The following ABI3BP variants were observed in gnomAD, a reference collection of about 807,000 sequenced individuals.
ABI3BP encodes ABI family member 3 binding protein.
Under a neutral mutation model 268.6 loss-of-function variants are expected in ABI3BP, and 216 were observed. The observed-to-expected ratio is 0.80, with a 90% CI of 0.72 to 0.90. ABI3BP has a LOEUF of 0.90. Among genes scored for constraint, ABI3BP ranks in the 40% least tolerant of loss-of-function variants. The pLI, the probability that ABI3BP is intolerant of heterozygous loss-of-function variation, is 0.00. For synonymous variants in ABI3BP, 730 were observed against 730.0 expected (o/e 1.00, Z 0.00); for missense variants, 2,090 against 2,182.4 (o/e 0.96, Z 0.84).
At chr3:100,846,687 TTAC>T (rs1166172642) in intron 19 of ABI3BP, 2 of 340,926 alleles carry the variant, frequency 5.9e-6, no homozygotes, top group Non-Finnish European at 1.1e-5. Flanking sequence ...AAATATAGCA[TTAC>T]TACTAAATAG....
In ABI3BP at chr3:100,840,129, G is replaced by T; in HGVS notation, c.1840C>A (p.Arg614Ser). 6.5e-7 allele frequency: 1 copy of T among 1,529,208 alleles called. No individual in the cohort carries two copies. The highest frequency in any genetic ancestry group is 8.7e-7 in the Non-Finnish European group (1 of 1,143,666). The allele number at this position is 1,529,208 out of a possible 1,614,324, so 94.7% of individuals were successfully genotyped here. Residue 614 changes from arginine to serine, a missense_variant, in exon 23 of 68, where the codon CGC (arginine) becomes AGC (serine). Transcript: ENST00000471714. ...RKTKRPGRRP[R>S]PRPRPKTTPS... ...GTGGTTTTAGGGCGGGGACGGGGGC[G>T]GGGGCGACGACCTGGTCTTTTGGTC... is the stretch of plus-strand genomic sequence containing the variant.
intron 20 of ABI3BP, among the ~76,000 whole-genome samples, chr3:100,842,526 C>A (rs569608574): frequency 3.4e-4 from 51 of 152,238 alleles, no homozygotes; most frequent in African/African-American, 9.6e-4. Context: ...GCGACCACAA[C>A]TGTTCATATG....
chr3:100,981,719 GAGT>G (rs1246591338), intron 1 of ABI3BP, among the ~76,000 whole-genome samples: 1 of 152,210 alleles, frequency 6.6e-6, no homozygotes, highest in Non-Finnish European at 1.5e-5. Context: ...GAGAGTACAG[GAGT>G]GGGATGCTCA....
chr3:100,810,300 T>C, intron 49 of ABI3BP, 112 bp downstream of exon 49: 1 of 868,590 alleles, frequency 1.2e-6, no homozygotes, highest in Non-Finnish European at 1.8e-6. Flanking sequence ...GGATTACCCA[T>C]CAAAGTCTGT....
chr3:100,909,462 C>G (rs1359771916), intron 2 of ABI3BP, among the ~76,000 whole-genome samples: 1 of 151,694 alleles, frequency 6.6e-6, no homozygotes, highest in African/African-American at 2.4e-5. Context: ...AAGAAACTAC[C>G]ATCAGAGTGA....
chr3:100,884,365 T>C (rs916806261), intron 6 of ABI3BP, among the ~76,000 whole-genome samples: 16 of 152,126 alleles, frequency 1.1e-4, no homozygotes, highest in Non-Finnish European at 1.9e-4. Context: ...AATATTTTCC[T>C]AGAAATTGTA....
At chr3:100,849,665 C>T (rs1246263670) in intron 17 of ABI3BP, among the ~76,000 whole-genome samples, 4 of 152,136 alleles carry the variant, frequency 2.6e-5, no homozygotes, top group African/African-American at 9.7e-5. Flanking sequence ...ACTGCAAAGC[C>T]TACTTGGTGC....
At chr3:100,921,196 T>A (rs2060113209) in intron 2 of ABI3BP, among the ~76,000 whole-genome samples, 1 of 152,134 alleles carries the variant, frequency 6.6e-6, no homozygotes. Flanking sequence ...TAACACCTGG[T>A]TGGAAGACAA....
chr3:100,819,884 G>T (rs934017203), intron 40 of ABI3BP, among the ~76,000 whole-genome samples: 2 of 148,812 alleles, frequency 1.3e-5, no homozygotes, highest in Admixed American at 6.8e-5. Context: ...GGAGGTGGAG[G>T]TTGCAGTGAG....
intron 2 of ABI3BP, chr3:100,912,293 A>AC (rs2056938514): frequency 6.4e-6 from 1 of 156,084 alleles, no homozygotes; most frequent in African/African-American, 2.4e-5. Flanking sequence ...AAAAAAAAAA[A>AC]AAAAAAAAAA....
intron 10 of ABI3BP, among the ~76,000 whole-genome samples, chr3:100,866,008 A>T (rs1310689926): frequency 6.6e-6 from 1 of 152,214 alleles, no homozygotes; most frequent in African/African-American, 2.4e-5. Context: ...TCTCTCAGAC[A>T]TATTCCTACT....
chr3:100,847,766 G>A, intron 18 of ABI3BP, 93 bp from the exon 19 acceptor site: 1 of 1,049,876 alleles, frequency 9.5e-7, no homozygotes, highest in Admixed American at 1.8e-5. Context: ...TTAAAATCCT[G>A]CCATATTTAG....
rs1271069816 is a variant in ABI3BP, at chr3:100,752,837, T to C, written c.5072A>G (p.Gln1691Arg). The C allele has an allele frequency of 6.2e-7, 1 of 1,613,474 alleles. No individual in the cohort carries two copies. The highest frequency in any genetic ancestry group is 2.2e-5 in the East Asian group (1 of 44,880). The change falls in exon 66 of 68, where the codon CAG (glutamine) becomes CGG (arginine). Residue 1691 changes from glutamine (Q) to arginine (R), a missense_variant. Physicochemically the swap from Gln to Arg is conservative, Grantham distance 43. Coordinates refer to ENST00000471714, the MANE Select transcript of ABI3BP (RefSeq NM_001375547.2). ...RTWYKKFVGVQLCNSLRYKIY... is the reference protein window; with the variant it reads ...RTWYKKFVGVRLCNSLRYKIY... ...CTTGTATCTGAGAGAGTTGCACAGC[T>C]GCACTCCTACAAATTTTTTATACCA...
chr3:100,822,010 G>T (rs2098246113), intron 38 of ABI3BP, among the ~76,000 whole-genome samples: 1 of 151,964 alleles, frequency 6.6e-6, no homozygotes, highest in African/African-American at 2.4e-5. Context: ...ACTCATCCCT[G>T]TGCCTTGGTG....
At chr3:100,857,879 C>T (rs1439367479) in intron 14 of ABI3BP, among the ~76,000 whole-genome samples, 1 of 152,192 alleles carries the variant, frequency 6.6e-6, no homozygotes, top group African/African-American at 2.4e-5. Flanking sequence ...AAGAAAATTG[C>T]TATGCAAACA....
intron 1 of ABI3BP, among the ~76,000 whole-genome samples, chr3:100,967,588 T>C (rs967875804): frequency 6.6e-6 from 1 of 152,056 alleles, no homozygotes; most frequent in Non-Finnish European, 1.5e-5. Context: ...AGCACCAATA[T>C]TACAAAGAAC....
intron 10 of ABI3BP, 43 bp downstream of exon 10, chr3:100,866,836 A>G (rs1561017353): frequency 1.3e-6 from 2 of 1,538,672 alleles, no homozygotes; most frequent in Non-Finnish European, 1.8e-6. Context: ...GAAAAAAAGC[A>G]TTTTTTCTTT....
chr3:100,783,119 T>G (rs1177661400), intron 57 of ABI3BP, among the ~76,000 whole-genome samples: 1 of 152,220 alleles, frequency 6.6e-6, no homozygotes. Flanking sequence ...GGTTCTTAAA[T>G]GTACCAGTGA....
At chr3:100,831,096 C>G (rs1325364395) in intron 31 of ABI3BP, among the ~76,000 whole-genome samples, 2 of 152,174 alleles carry the variant, frequency 1.3e-5, no homozygotes, top group East Asian at 3.8e-4. Flanking sequence ...CTATGGTGAT[C>G]CCCAGTGGTT....
Sources: allele counts gnomAD v4.1 joint callset (sites outside exome capture counted in the v4.1 genomes callset), GRCh38; gene constraint gnomAD v4.1.1; transcripts MANE v1.5; gene names NCBI Gene and HGNC (gene_info 2026-07-23, HGNC 2026-07-21).